VAV3: variants seen among roughly 807,000 people sequenced by gnomAD.
The protein encoded by VAV3 is guanine nucleotide exchange factor VAV3.
In VAV3, 94 loss-of-function variants were observed where a neutral mutation model predicts 131.2. The observed-to-expected ratio is 0.72, with a 90% confidence interval of 0.61 to 0.85. The LOEUF (loss-of-function observed/expected upper bound fraction) is 0.85, where lower values mean the gene tolerates loss of function less well. Among genes scored for constraint, VAV3 ranks in the 40% least tolerant of loss-of-function variants. The probability of loss-of-function intolerance (pLI) is 0.00; values close to 1 mark genes in which losing one functional copy is unlikely to be tolerated. For missense variants in VAV3, 939 were observed against 1,002.7 expected, an observed-to-expected ratio of 0.94 and a Z score of 0.86; for synonymous variants, 349 against 342.0, an observed-to-expected ratio of 1.02 and a Z score of -0.22.
At chr1:107,698,624 G>C (rs191697623) in intron 17 of VAV3, among the ~76,000 whole-genome samples, 1 of 152,230 alleles carries the variant, frequency 6.6e-6, no homozygotes, top group Admixed American at 6.5e-5. Flanking sequence ...TGCTTAAAAA[G>C]ATTTTAAAAT....
intron 15 of VAV3, among the ~76,000 whole-genome samples, chr1:107,709,390 A>G (rs917853594): frequency 6.6e-6 from 1 of 152,194 alleles, no homozygotes; most frequent in African/African-American, 2.4e-5. Context: ...ATCAGATAGA[A>G]AGATGGAAGA....
chr1:107,638,776 A>G (rs1309632078), intron 20 of VAV3, among the ~76,000 whole-genome samples: 1 of 152,174 alleles, frequency 6.6e-6, no homozygotes, highest in African/African-American at 2.4e-5. Context: ...TGACTTCAGG[A>G]CGTCTTATTA....
At chr1:107,802,621 TAGGTA>T (rs1164390514) in intron 2 of VAV3, among the ~76,000 whole-genome samples, 17 of 152,288 alleles carry the variant, frequency 1.1e-4, no homozygotes, top group Admixed American at 6.5e-4. Flanking sequence ...TGTTCTTGGT[TAGGTA>T]AAGAGGATAC....
intron 1 of VAV3, among the ~76,000 whole-genome samples, chr1:107,886,782 G>A (rs1671055389): frequency 6.6e-6 from 1 of 151,902 alleles, no homozygotes. Context: ...CCCCCACCCA[G>A]GAGATCATGC....
chr1:107,770,346 C>A (rs941051855), intron 6 of VAV3, among the ~76,000 whole-genome samples: 10 of 152,006 alleles, frequency 6.6e-5, no homozygotes, highest in African/African-American at 2.4e-4. Flanking sequence ...TTATGACCAT[C>A]TGGCATATTT....
chr1:107,773,993 T>C (rs780037977), intron 4 of VAV3, among the ~76,000 whole-genome samples: 1 of 152,120 alleles, frequency 6.6e-6, no homozygotes, highest in Non-Finnish European at 1.5e-5. Context: ...CTTGCTGAAG[T>C]CCTACATTTC....
At chr1:107,635,564 TACATATG>T (rs1654863669) in intron 20 of VAV3, among the ~76,000 whole-genome samples, 1 of 152,142 alleles carries the variant, frequency 6.6e-6, no homozygotes, top group Non-Finnish European at 1.5e-5. Context: ...GGCACATGTA[TACATATG>T]TAACAAACCT....
rs115219478 is a variant in VAV3, at chr1:107,847,770, A to T, written c.321+27131T>A. Among the ~76,000 whole-genome samples, 1,143 of 152,346 alleles carry T rather than the reference A, an allele frequency of 7.5e-3. 14 individuals carry two copies. Among genetic ancestry groups the T allele is most frequent in the African/African-American group, 0.017 (697 of 41,574 alleles). ...CAATAACAAGTTCTGAAACTGAGGC[A>T]GTAATTAATAGCTGACCAACTAAAA... On this transcript the variant is annotated intron_variant, in intron 2 of 26. Coordinates refer to ENST00000370056, the MANE Select transcript of VAV3 (RefSeq NM_006113.5).
At chr1:107,849,796 G>A (rs1241407782) in intron 2 of VAV3, among the ~76,000 whole-genome samples, 1 of 152,100 alleles carries the variant, frequency 6.6e-6, no homozygotes, top group African/African-American at 2.4e-5. Flanking sequence ...TACAGAATAG[G>A]AGAAAATTTT....
At chr1:107,628,004 AG>A (rs1203330733) in intron 20 of VAV3, among the ~76,000 whole-genome samples, 1 of 149,612 alleles carries the variant, frequency 6.7e-6, no homozygotes, top group Non-Finnish European at 1.5e-5. Flanking sequence ...GGCAGGAAGA[AG>A]GATAAAAAGA....
chr1:107,594,705 G>C (rs1307388719), intron 25 of VAV3, among the ~76,000 whole-genome samples: 2 of 152,022 alleles, frequency 1.3e-5, no homozygotes, highest in Non-Finnish European at 2.9e-5. Context: ...TCATTGCCGG[G>C]CTACATTCTC....
chr1:107,842,635 T>C (rs1296537848), intron 2 of VAV3, among the ~76,000 whole-genome samples: 5 of 152,220 alleles, frequency 3.3e-5, no homozygotes, highest in Admixed American at 1.3e-4. Context: ...CTCAATGAGA[T>C]TTCATTCTTC....
intron 1 of VAV3, among the ~76,000 whole-genome samples, chr1:107,887,586 A>T (rs760718704): frequency 3.3e-5 from 5 of 152,120 alleles, no homozygotes; most frequent in Non-Finnish European, 5.9e-5. Flanking sequence ...TCCAAATTAC[A>T]TCCCTCATAT....
intron 1 of VAV3, among the ~76,000 whole-genome samples, chr1:107,934,466 T>G (rs1673611354): frequency 6.6e-6 from 1 of 152,244 alleles, no homozygotes; most frequent in African/African-American, 2.4e-5. Flanking sequence ...GCATCCTTCA[T>G]ATGTGGAATT....
At chr1:107,657,945 G>T (rs535761395) in intron 19 of VAV3, among the ~76,000 whole-genome samples, 1 of 152,112 alleles carries the variant, frequency 6.6e-6, no homozygotes, top group Non-Finnish European at 1.5e-5. Flanking sequence ...GAGGAAATAC[G>T]ACTAGAAAAT....
At chr1:107,774,886 C>A (rs138171453) in intron 4 of VAV3, among the ~76,000 whole-genome samples, 1 of 150,840 alleles carries the variant, frequency 6.6e-6, no homozygotes. Context: ...AACTCAAAAC[C>A]AAGCATGTCT....
chr1:107,873,973 G>A (rs1251041140), intron 2 of VAV3, among the ~76,000 whole-genome samples: 3 of 152,110 alleles, frequency 2.0e-5, no homozygotes, highest in Non-Finnish European at 4.4e-5. Context: ...CAATCCATTG[G>A]TTATTTTCTA....
intron 1 of VAV3, among the ~76,000 whole-genome samples, chr1:107,959,621 C>G (rs1449573175): frequency 1.3e-5 from 2 of 152,206 alleles, no homozygotes; most frequent in Non-Finnish European, 2.9e-5. Flanking sequence ...CTCCCCATCT[C>G]TCTGCCCTCG....
intron 15 of VAV3, among the ~76,000 whole-genome samples, chr1:107,721,967 T>G (rs1661528680): frequency 6.6e-6 from 1 of 152,210 alleles, no homozygotes; most frequent in Non-Finnish European, 1.5e-5. Context: ...TTAAATATCT[T>G]CTTGGCAGAT....
Sources: gnomAD v4.1 joint callset for allele counts (sites outside exome capture counted in the v4.1 genomes callset) on GRCh38, gnomAD v4.1.1 for gene constraint, MANE v1.5 for transcripts, NCBI Gene and HGNC (gene_info 2026-07-23, HGNC 2026-07-21) for gene names.